The following NDUFA7 variants were observed in gnomAD, a reference collection of about 807,000 sequenced individuals.
NDUFA7 encodes NADH:ubiquinone oxidoreductase subunit A7.
In NDUFA7, 18 loss-of-function variants were observed where a neutral mutation model predicts 14.2. The observed-to-expected ratio is 1.27, with a 90% CI of 0.88 to 1.88. The LOEUF is 1.88. Among genes scored for constraint, NDUFA7 ranks in the 40% most tolerant of loss-of-function variants. NDUFA7 has a pLI of 0.00. For synonymous variants in NDUFA7, 75 were observed against 62.1 expected (o/e 1.21, Z -0.98); for missense variants, 172 against 147.3 (o/e 1.17, Z -0.87).
At chr19:8,315,491 G>A (rs1263690828) in intron 3 of NDUFA7, among the ~76,000 whole-genome samples, 4 of 152,170 alleles carry the variant, frequency 2.6e-5, no homozygotes, top group Non-Finnish European at 4.4e-5. Context: ...AGATGTTTAC[G>A]TGTATATGTA....
intron 1 of NDUFA7, 178 bp downstream of exon 1, chr19:8,321,130 G>A: frequency 1.1e-6 from 1 of 922,750 alleles, no homozygotes; most frequent in African/African-American, 1.7e-5. Flanking sequence ...TCCCAGGCCT[G>A]AGTGGTTCCC....
At chr19:8,319,359 G>A (rs1970273740) in intron 2 of NDUFA7, 1 of 152,086 alleles carries the variant, frequency 6.6e-6, no homozygotes, top group Admixed American at 6.6e-5. Context: ...AGGAGTTCGA[G>A]ACCAGACTGG....
At position 8,320,864 on chromosome 19, in the gene NDUFA7, A is replaced by T; in HGVS notation, c.94T>A (p.Ser32Thr). 6.2e-7 allele frequency: 1 copy of T among 1,613,732 alleles called. No homozygotes were observed. The highest frequency in any genetic ancestry group is 1.1e-5 in the South Asian group (1 of 91,084). Residue 32 changes from serine to threonine, a missense_variant, in exon 2 of 4, where the codon TCC becomes ACC. Transcript: ENST00000301457. The part of the protein sequence containing the change: ...GKLQLRYQEI[S>T]KRTQPPPKLP... ...CGAGCGGGGCCTGCTCACCGCTTGG[A>T]GATCTCCTGGTAGCGTAGCTGCAGC...
At chr19:8,311,686 C>G in intron 3 of NDUFA7, 91 bp from the exon 4 acceptor site, 1 of 1,068,564 alleles carries the variant, frequency 9.4e-7, no homozygotes, top group South Asian at 1.5e-5. Context: ...CAAACACACC[C>G]ACAGGGACTT....
At chr19:8,313,157 G>C (rs1250126878) in intron 3 of NDUFA7, among the ~76,000 whole-genome samples, 1 of 151,724 alleles carries the variant, frequency 6.6e-6, no homozygotes, top group Non-Finnish European at 1.5e-5. Context: ...TAGAACTCAA[G>C]CAATCCTCAC....
At chr19:8,313,212 C>T (rs1484324027) in intron 3 of NDUFA7, among the ~76,000 whole-genome samples, 3 of 151,710 alleles carry the variant, frequency 2.0e-5, no homozygotes, top group South Asian at 4.2e-4. Context: ...CACACCACTG[C>T]GCCTGGCCTA....
intron 1 of NDUFA7, 118 bp downstream of exon 1, chr19:8,321,190 A>C (rs957477156): frequency 1.1e-5 from 14 of 1,269,078 alleles, no homozygotes; most frequent in Admixed American, 5.3e-5. Flanking sequence ...GGGGGTTCCC[A>C]GGGAGATTCG....
At chr19:8,317,538 C>T (rs146386003) in intron 2 of NDUFA7, among the ~76,000 whole-genome samples, 158 of 152,250 alleles carry the variant, frequency 1.0e-3, no homozygotes, top group African/African-American at 3.6e-3. Flanking sequence ...AAACAAAAGA[C>T]GGGCTTTCCA....
downstream of NDUFA7, among the ~76,000 whole-genome samples, chr19:8,310,998 G>A (rs1322497320): frequency 6.6e-6 from 1 of 152,164 alleles, no homozygotes; most frequent in Non-Finnish European, 1.5e-5. Flanking sequence ...TGGGTGACAA[G>A]CGCGAAAACT....
downstream of NDUFA7, among the ~76,000 whole-genome samples, chr19:8,310,940 G>C (rs1266885770): frequency 2.0e-5 from 3 of 152,164 alleles, no homozygotes; most frequent in African/African-American, 7.2e-5. Context: ...CTTGAGCCCA[G>C]GAGGCAGAGG....
In NDUFA7 at chr19:8,311,473, C is replaced by A; in HGVS notation, c.*32G>T. ...TCTCCCTGGAGGAAATCCAAGGAGG[C>A]AAAGTAGTCGGGTGGCCGTGAGGGT... On this transcript the variant is annotated 3_prime_UTR_variant, in exon 4 of 4. Transcript: ENST00000301457. 1 of 1,548,460 alleles carries A rather than the reference C, an allele frequency of 6.5e-7. No individual in the cohort carries two copies.
chr19:8,318,051 C>T (rs1247452677), intron 2 of NDUFA7, among the ~76,000 whole-genome samples: 1 of 151,864 alleles, frequency 6.6e-6, no homozygotes, highest in African/African-American at 2.4e-5. Flanking sequence ...ATATTAAAAG[C>T]AATATATTAT....
chr19:8,312,335 A>C (rs756942847), intron 3 of NDUFA7, among the ~76,000 whole-genome samples: 6 of 152,288 alleles, frequency 3.9e-5, no homozygotes, highest in East Asian at 3.9e-4. Flanking sequence ...CAGGAGCCTC[A>C]AGGAAATGGA....
chr19:8,311,719 C>T, intron 3 of NDUFA7, 124 bp from the exon 4 acceptor site: 2 of 709,610 alleles, frequency 2.8e-6, no homozygotes, highest in Non-Finnish European at 4.6e-6. Flanking sequence ...GGACAGACAG[C>T]AGGGTGTTCC....
chr19:8,314,539 G>A (rs913016593), intron 3 of NDUFA7, among the ~76,000 whole-genome samples: 8 of 152,128 alleles, frequency 5.3e-5, no homozygotes, highest in African/African-American at 1.9e-4. Flanking sequence ...GCCAAGGCAG[G>A]AGGATCGCTT....
At chr19:8,309,803 C>T (rs1970153228), downstream of NDUFA7, among the ~76,000 whole-genome samples, 1 of 152,152 alleles carries the variant, frequency 6.6e-6, no homozygotes, top group Non-Finnish European at 1.5e-5. Context: ...GGGCTGTGCC[C>T]TGGGGAAGCC....
At chr19:8,308,606 T>A (rs1264806833), downstream of NDUFA7, among the ~76,000 whole-genome samples, 2 of 152,216 alleles carry the variant, frequency 1.3e-5, no homozygotes, top group Non-Finnish European at 2.9e-5. Flanking sequence ...TACTGCCTCG[T>A]GATCTTCTTT....
At position 8,320,832 on chromosome 19, in the gene NDUFA7, TGGGCAGCGAGC is replaced by T. The variant is rs772275428; in HGVS notation, c.101+14_101+24del. On this transcript the variant is annotated intron_variant, in intron 2 of 3. Coordinates refer to ENST00000301457, the MANE Select transcript of NDUFA7 (RefSeq NM_005001.5). ...GTGGAGAAAGGACAGAGCCAGAGGCTGGGCAGCGAGCGGGGCCTGCTCACCGCTTGGAGATC... is the reference window on the plus strand; with the variant it reads ...GTGGAGAAAGGACAGAGCCAGAGGCTGGGGCCTGCTCACCGCTTGGAGATC... The T allele has an allele frequency of 8.1e-6, 13 of 1,613,512 alleles. No homozygotes were observed. Among genetic ancestry groups the T allele is most frequent in the Non-Finnish European group, 8.5e-7 (1 of 1,179,928 alleles).
rs1469059903 is a variant in NDUFA7, at chr19:8,311,402, G to GA, written c.*102dup. 1.1e-6 allele frequency: 1 copy of GA among 890,252 alleles called. No individual in the cohort carries two copies. Among genetic ancestry groups the GA allele is most frequent in the African/African-American group, 1.7e-5 (1 of 58,596 alleles). 55.1% of individuals were successfully genotyped at this position (890,252 alleles called of 1,614,324 possible). A position where few individuals can be genotyped will look rare whatever the true frequency, so the allele number is the denominator to read the frequency against. ...TTTTTTATTTTTTAAAGTAAAACTA[G>GA]AAGTGATACCTGAGCTCTACGTATT... is the stretch of plus-strand genomic sequence containing the variant. On this transcript the variant is annotated 3_prime_UTR_variant, in exon 4 of 4. Coordinates refer to ENST00000301457, the MANE Select transcript of NDUFA7 (RefSeq NM_005001.5).
Sources: allele counts gnomAD v4.1 joint callset (sites outside exome capture counted in the v4.1 genomes callset), GRCh38; gene constraint gnomAD v4.1.1; transcripts MANE v1.5; gene names NCBI Gene and HGNC (gene_info 2026-07-23, HGNC 2026-07-21).